Variants in NWD2 observed in about 807,000 individuals in gnomAD.
The protein encoded by NWD2 is NACHT and WD repeat domain-containing protein 2.
In NWD2, 37 loss-of-function variants were observed where a neutral mutation model predicts 132.7. The ratio of observed to expected loss-of-function variants is 0.28; its 90% confidence interval spans 0.21 to 0.37. The LOEUF (loss-of-function observed/expected upper bound fraction) is 0.37. Ranked by LOEUF, NWD2 falls within the 10% of genes least tolerant of loss-of-function variation. The pLI, the probability that NWD2 is intolerant of heterozygous loss-of-function variation, is 1.00. For synonymous variants in NWD2, 705 were observed against 803.0 expected (o/e 0.88, Z 2.06); for missense variants, 1,592 against 2,122.4 (o/e 0.75, Z 4.91).
chr4:37,317,352 T>G (rs1184164024), intron 1 of NWD2, among the ~76,000 whole-genome samples: 1 of 152,230 alleles, frequency 6.6e-6, no homozygotes, highest in African/African-American at 2.4e-5. Context: ...TGACTGTTTA[T>G]TTTCTTGATC....
intron 2 of NWD2, among the ~76,000 whole-genome samples, chr4:37,355,254 G>A (rs1433837832): frequency 6.6e-6 from 1 of 152,138 alleles, no homozygotes; most frequent in Non-Finnish European, 1.5e-5. Flanking sequence ...AAAGCATAGA[G>A]CCCCCAAAAT....
intron 6 of NWD2, among the ~76,000 whole-genome samples, chr4:37,440,113 CCTAT>C (rs1160096317): frequency 1.3e-5 from 2 of 152,158 alleles, no homozygotes; most frequent in Non-Finnish European, 2.9e-5. Context: ...GTACCTCTGC[CCTAT>C]CTTCCCTGAG....
intron 1 of NWD2, among the ~76,000 whole-genome samples, chr4:37,272,222 C>T (rs1184584277): frequency 6.6e-6 from 1 of 151,500 alleles, no homozygotes; most frequent in Admixed American, 6.6e-5. Context: ...TTTTAAGGAT[C>T]TTTTTGTTTG....
intron 1 of NWD2, among the ~76,000 whole-genome samples, chr4:37,308,808 G>A (rs185096171): frequency 1.3e-5 from 2 of 152,178 alleles, no homozygotes; most frequent in East Asian, 3.9e-4. Context: ...GCAATGGAAG[G>A]CCCCAGCAAG....
At chr4:37,283,251 A>G (rs1473789434) in intron 1 of NWD2, among the ~76,000 whole-genome samples, 3 of 152,242 alleles carry the variant, frequency 2.0e-5, no homozygotes, top group Non-Finnish European at 4.4e-5. Context: ...TTATCCAACT[A>G]TGGAGGGATA....
Position 37,366,363 on chromosome 4 carries a change from T to C in NWD2, c.357+9881T>C, listed in dbSNP as rs117546939. On this transcript the variant is annotated intron_variant, in intron 3 of 6. Transcript: ENST00000309447. ...TAATGGGAATGTGATAAGCCTCCCA[T>C]TGCCCTATCAGTCTAACATAGGAAA... Among the ~76,000 whole-genome samples the C allele has an allele frequency of 1.1e-4, 16 of 152,230 alleles. 1 individual carries two copies. The East Asian group carries it at 3.1e-3, about 29-fold the overall frequency.
intron 1 of NWD2, among the ~76,000 whole-genome samples, chr4:37,270,277 A>G (rs1336212307): frequency 1.3e-5 from 2 of 151,890 alleles, no homozygotes; most frequent in African/African-American, 4.8e-5. Context: ...CAAATAGTAT[A>G]TCCAGGCACA....
At chr4:37,364,589 C>T (rs879749657) in intron 3 of NWD2, among the ~76,000 whole-genome samples, 2 of 152,122 alleles carry the variant, frequency 1.3e-5, no homozygotes, top group Non-Finnish European at 2.9e-5. Context: ...CAAACACAAT[C>T]TGTCAGCATT....
At chr4:37,340,322 A>G (rs1189381961) in intron 2 of NWD2, among the ~76,000 whole-genome samples, 3 of 152,138 alleles carry the variant, frequency 2.0e-5, no homozygotes, top group Non-Finnish European at 2.9e-5. Context: ...CTTCAAGTCC[A>G]GATACATGTG....
At chr4:37,324,859 A>C (rs1194060019) in intron 1 of NWD2, among the ~76,000 whole-genome samples, 1 of 152,198 alleles carries the variant, frequency 6.6e-6, no homozygotes, top group Admixed American at 6.5e-5. Context: ...AGAGTAGGTC[A>C]ACACGGCATA....
intron 4 of NWD2, among the ~76,000 whole-genome samples, chr4:37,432,459 C>T (rs1026385515): frequency 1.3e-5 from 2 of 151,184 alleles, no homozygotes; most frequent in Non-Finnish European, 2.9e-5. Context: ...ATGATCAATT[C>T]TCTTATCTCT....
chr4:37,406,900 G>T (rs1721053450), intron 3 of NWD2, among the ~76,000 whole-genome samples: 1 of 151,746 alleles, frequency 6.6e-6, no homozygotes, highest in South Asian at 2.1e-4. Context: ...CCATCTCAAA[G>T]AAAAAAAGAA....
At chr4:37,317,517 T>C (rs1266302915) in intron 1 of NWD2, among the ~76,000 whole-genome samples, 1 of 152,198 alleles carries the variant, frequency 6.6e-6, no homozygotes, top group Admixed American at 6.5e-5. Flanking sequence ...CTGGCGATGA[T>C]GTTGATTGAC....
intron 3 of NWD2, among the ~76,000 whole-genome samples, chr4:37,371,640 C>G (rs185470873): frequency 2.6e-5 from 4 of 152,202 alleles, no homozygotes; most frequent in African/African-American, 9.6e-5. Context: ...TTATTGTTGA[C>G]ACAATTGGCT....
intron 1 of NWD2, among the ~76,000 whole-genome samples, chr4:37,284,699 G>A (rs545329695): frequency 3.3e-5 from 5 of 152,298 alleles, no homozygotes; most frequent in African/African-American, 1.2e-4. Context: ...AACAGATGAG[G>A]TGCATGTAGT....
At chr4:37,356,321 C>T in intron 2 of NWD2, 45 bp from the exon 3 acceptor site, 1 of 1,039,872 alleles carries the variant, frequency 9.6e-7, no homozygotes, top group Non-Finnish European at 1.4e-6. Context: ...TAAATAAAAA[C>T]AAAGCCCACA....
At chr4:37,271,565 A>C (rs1717871638) in intron 1 of NWD2, among the ~76,000 whole-genome samples, 1 of 151,792 alleles carries the variant, frequency 6.6e-6, no homozygotes, top group African/African-American at 2.4e-5. Context: ...TCCTAAATTC[A>C]CTTATGAGTT....
At chr4:37,409,719 T>C (rs1404875854) in intron 3 of NWD2, among the ~76,000 whole-genome samples, 3 of 151,508 alleles carry the variant, frequency 2.0e-5, no homozygotes, top group Non-Finnish European at 4.4e-5. Flanking sequence ...TTCACCAAGG[T>C]TGAAATGAAG....
intron 3 of NWD2, among the ~76,000 whole-genome samples, chr4:37,420,474 A>G (rs1711774339): frequency 6.6e-6 from 1 of 152,170 alleles, no homozygotes; most frequent in Non-Finnish European, 1.5e-5. Context: ...TCACGAGGTC[A>G]AGAGATCAAG....
Sources: allele counts gnomAD v4.1 joint callset (sites outside exome capture counted in the v4.1 genomes callset), GRCh38; gene constraint gnomAD v4.1.1; transcripts MANE v1.5; gene names NCBI Gene and HGNC (gene_info 2026-07-23, HGNC 2026-07-21).